Variants in RAVER2 observed in about 807,000 individuals in gnomAD.
The protein encoded by RAVER2 is ribonucleoprotein PTB-binding 2.
A neutral mutation model predicts 78.1 loss-of-function variants in RAVER2; 46 were observed. The ratio of observed to expected loss-of-function variants is 0.59; its 90% CI spans 0.46 to 0.75. The LOEUF (loss-of-function observed/expected upper bound fraction) is 0.75. RAVER2 is among the 30% of genes least tolerant of loss of function. The pLI, the probability that RAVER2 is intolerant of heterozygous loss-of-function variation, is 0.00. For synonymous variants in RAVER2, 311 were observed against 313.3 expected, an observed-to-expected ratio of 0.99 and a Z score of 0.08; for missense variants, 793 against 837.5, an observed-to-expected ratio of 0.95 and a Z score of 0.66.
At chr1:64,753,742 T>A (rs1651770151) in intron 1 of RAVER2, among the ~76,000 whole-genome samples, 1 of 152,020 alleles carries the variant, frequency 6.6e-6, no homozygotes. Context: ...CAGGCTGGTC[T>A]CAAACTCCTG....
intron 1 of RAVER2, among the ~76,000 whole-genome samples, chr1:64,746,023 G>A (rs1474547644): frequency 1.3e-5 from 2 of 152,234 alleles, no homozygotes; most frequent in Non-Finnish European, 2.9e-5. Context: ...GCCGCCTCCT[G>A]CTACGCCAAG....
chr1:64,831,036 G>C, exon 12 of RAVER2: 1 of 1,540,714 alleles, frequency 6.5e-7, no homozygotes, highest in Non-Finnish European at 8.8e-7. Context: ...TATCTCTGCT[G>C]TTCATCGCTG....
chr1:64,804,562 G>A (rs940585746), intron 6 of RAVER2, among the ~76,000 whole-genome samples, 172 bp from the exon 7 acceptor site: 1 of 152,184 alleles, frequency 6.6e-6, no homozygotes, highest in Non-Finnish European at 1.5e-5. Context: ...GCCCCCTCTT[G>A]TGTATTATTA....
chr1:64,830,878 C>T, exon 12 of RAVER2: 3 of 1,612,626 alleles, frequency 1.9e-6, no homozygotes, highest in Non-Finnish European at 2.5e-6. Flanking sequence ...CTCATCATAT[C>T]TCATCTCTGC....
exon 4 of RAVER2, chr1:64,781,493 C>G: frequency 6.2e-7 from 1 of 1,614,118 alleles, no homozygotes; most frequent in Non-Finnish European, 8.5e-7. Context: ...TCAAGGGCAG[C>G]AAAGTCCAGG....
intron 1 of RAVER2, among the ~76,000 whole-genome samples, chr1:64,761,655 A>G (rs748701187): frequency 6.6e-6 from 1 of 152,206 alleles, no homozygotes; most frequent in Non-Finnish European, 1.5e-5. Context: ...TAGGAACAAT[A>G]CAGGGATCAC....
At chr1:64,832,118 A>G (rs1329041827) in exon 12 of RAVER2, 5 of 152,674 alleles carry the variant, frequency 3.3e-5, no homozygotes, top group African/African-American at 1.2e-4. Context: ...TTCATAGCGT[A>G]GACTAGTAAT....
chr1:64,774,881 G>C (rs766400283), intron 2 of RAVER2, among the ~76,000 whole-genome samples: 7 of 151,976 alleles, frequency 4.6e-5, no homozygotes, highest in Non-Finnish European at 1.0e-4. Flanking sequence ...TTCCTTGAAG[G>C]GGTCCTTCAC....
chr1:64,819,023 G>C (rs1011980463), intron 11 of RAVER2, among the ~76,000 whole-genome samples: 1 of 152,062 alleles, frequency 6.6e-6, no homozygotes, highest in Admixed American at 6.5e-5. Flanking sequence ...ACTCCTTCTA[G>C]AACAAAAATC....
intron 6 of RAVER2, 22 bp from the exon 7 acceptor site, chr1:64,804,712 C>G (rs759861501): frequency 1.0e-5 from 12 of 1,203,800 alleles, no homozygotes; most frequent in Non-Finnish European, 1.3e-5. Flanking sequence ...ATTAAACTGA[C>G]AACGTTTTGT....
At position 64,772,017 on chromosome 1, in the gene RAVER2, C is replaced by CTAAA. The variant is rs756474925; in HGVS notation, c.316+3298_316+3301dup. On this transcript the variant is annotated intron_variant, in intron 2 of 11. Coordinates refer to ENST00000294428, the Ensembl canonical transcript of RAVER2. Reference sequence around the variant, plus strand: ...CCTTCAAATTAGACCCAATAATAAACTAAATAGTAGACCATGCAATGACTT... The same window carrying CTAAA: ...CCTTCAAATTAGACCCAATAATAAACTAAATAAATAGTAGACCATGCAATGACTT... Among the ~76,000 whole-genome samples, 4 of 152,002 alleles carry CTAAA rather than the reference C, an allele frequency of 2.6e-5. No homozygotes were observed. The East Asian group carries it at 7.7e-4, about 29-fold the overall frequency.
chr1:64,784,069 T>C (rs1201927181), intron 4 of RAVER2, among the ~76,000 whole-genome samples: 1 of 152,222 alleles, frequency 6.6e-6, no homozygotes, highest in East Asian at 1.9e-4. Context: ...CTTTTATTGG[T>C]TGGTCCCTTC....
In RAVER2 at chr1:64,755,740, T is replaced by G. The variant is rs900424040; in HGVS notation, c.249+10319T>G. ...TGCTTCATAGTTTTTTTTTTTTTTTTTTTTTTTTTTTTTGTAGCCAGAACT... is the reference window on the plus strand; with the variant it reads ...TGCTTCATAGTTTTTTTTTTTTTTTGTTTTTTTTTTTTTGTAGCCAGAACT... On this transcript the variant is annotated intron_variant, in intron 1 of 11. Transcript: ENST00000294428. Among the ~76,000 whole-genome samples, 17 of 144,646 alleles carry G rather than the reference T, an allele frequency of 1.2e-4. No individual in the cohort carries two copies. The East Asian group carries it at 1.8e-3, about 15-fold the overall frequency. 94.9% of individuals were successfully genotyped at this position (144,646 alleles called of 152,430 possible).
intron 9 of RAVER2, among the ~76,000 whole-genome samples, chr1:64,812,035 T>C (rs1458978965): frequency 1.3e-5 from 2 of 152,074 alleles, no homozygotes; most frequent in African/African-American, 2.4e-5. Flanking sequence ...TCATAAAATA[T>C]AAAAATCTCA....
At chr1:64,781,548 G>A in exon 4 of RAVER2, 5 of 1,612,950 alleles carry the variant, frequency 3.1e-6, no homozygotes, top group Non-Finnish European at 4.2e-6. Flanking sequence ...TACATTAGCA[G>A]CATTGATAGC....
chr1:64,815,083 G>A, intron 11 of RAVER2: 1 of 259,126 alleles, frequency 3.9e-6, no homozygotes, highest in South Asian at 1.5e-4. Context: ...ACAGCCCATA[G>A]AACAAATCTA....
intron 11 of RAVER2, among the ~76,000 whole-genome samples, chr1:64,823,119 C>T (rs1022877523): frequency 1.3e-5 from 2 of 151,894 alleles, no homozygotes; most frequent in East Asian, 3.9e-4. Flanking sequence ...GATAGTTGTT[C>T]GTAAGTTGGT....
exon 12 of RAVER2, chr1:64,833,204 C>CTT (rs1429490590): frequency 1.9e-5 from 4 of 206,136 alleles, no homozygotes; most frequent in Admixed American, 6.0e-5. Flanking sequence ...AAAATGAAAT[C>CTT]TTAATATTAA....
At chr1:64,807,557 GT>G (rs759821572) in intron 9 of RAVER2, 83 bp downstream of exon 9, 140 of 1,299,192 alleles carry the variant, frequency 1.1e-4, no homozygotes, top group Non-Finnish European at 1.4e-4. Flanking sequence ...TTAAATTGTC[GT>G]GTCAATGAAA....
Sources: allele counts gnomAD v4.1 joint callset (sites outside exome capture counted in the v4.1 genomes callset), GRCh38; gene constraint gnomAD v4.1.1; transcripts MANE v1.5; gene names NCBI Gene and HGNC (gene_info 2026-07-23, HGNC 2026-07-21).